The following PDCD1LG2 variants were observed in gnomAD, a reference collection of about 807,000 sequenced individuals.
PDCD1LG2 encodes the protein B7 dendritic cell molecule.
Under a neutral mutation model 28.2 loss-of-function variants are expected in PDCD1LG2, and 32 were observed. That is an observed-to-expected ratio of 1.13 (90% CI 0.86 to 1.52). PDCD1LG2 has a LOEUF of 1.52. PDCD1LG2 is among the 40% of genes most tolerant of loss of function. The pLI is 0.00. For synonymous variants in PDCD1LG2, 116 were observed against 120.2 expected (o/e 0.97, Z 0.23); for missense variants, 385 against 323.8 (o/e 1.19, Z -1.45).
At position 5,557,846 on chromosome 9, in the gene PDCD1LG2, T is replaced by C; in HGVS notation, c.766+94T>C. On this transcript the variant is annotated intron_variant, in intron 5 of 6. Coordinates refer to ENST00000397747, the MANE Select transcript of PDCD1LG2 (RefSeq NM_025239.4). The stretch of plus-strand genomic sequence containing the variant: ...GCAGGCCTATGGCTTGCTGCTTTCA[T>C]GCTAAACCCACTCAGAGCTTATGAA... The C allele has an allele frequency of 3.4e-6, 5 of 1,465,808 alleles. No individual in the cohort carries two copies. The Admixed American group carries it at 5.4e-5, about 16-fold the overall frequency. 90.8% of individuals were successfully genotyped at this position (1,465,808 alleles called of 1,614,324 possible). A position where few individuals can be genotyped will look rare whatever the true frequency, so the allele number is the denominator to read the frequency against.
rs577775891 is a variant in PDCD1LG2 at position 5,525,473 on chromosome 9, T to C, written c.55+2872T>C. Among the ~76,000 whole-genome samples the C allele has an allele frequency of 2.0e-5, 3 of 151,586 alleles. No homozygotes were observed. The East Asian group carries it at 5.8e-4, about 29-fold the overall frequency. On this transcript the variant is annotated intron_variant, in intron 2 of 6. Transcript: ENST00000397747. ...GTCTAGAAGAACTTCAACTGGAGAA[T>C]GGATAGAGAAATCATGGTATATTTG...
chr9:5,519,137 G>A (rs1333768135), intron 1 of PDCD1LG2, among the ~76,000 whole-genome samples: 1 of 152,164 alleles, frequency 6.6e-6, no homozygotes, highest in Non-Finnish European at 1.5e-5. Context: ...GAAGAAATGG[G>A]TGAAGCAGGG....
At chr9:5,568,560 T>C (rs1258862497) in intron 6 of PDCD1LG2, among the ~76,000 whole-genome samples, 8 of 152,186 alleles carry the variant, frequency 5.3e-5, no homozygotes, top group Non-Finnish European at 5.9e-5. Flanking sequence ...GTGCCAAAAA[T>C]GTTGGGGACC....
intron 3 of PDCD1LG2, among the ~76,000 whole-genome samples, chr9:5,546,366 T>G (rs1402275236): frequency 6.6e-6 from 1 of 152,182 alleles, no homozygotes; most frequent in African/African-American, 2.4e-5. Context: ...AGAAATAATC[T>G]ACAGTATGAT....
At chr9:5,562,540 A>G (rs1233949937) in intron 5 of PDCD1LG2, among the ~76,000 whole-genome samples, 5 of 152,188 alleles carry the variant, frequency 3.3e-5, no homozygotes, top group Non-Finnish European at 7.3e-5. Flanking sequence ...ATTGAGTTCA[A>G]TGTACACTAT....
intron 1 of PDCD1LG2, among the ~76,000 whole-genome samples, chr9:5,520,135 A>C (rs982880646): frequency 3.9e-5 from 6 of 152,198 alleles, no homozygotes; most frequent in African/African-American, 1.4e-4. Flanking sequence ...CCCTAAAAAA[A>C]AATCTTGAAA....
At chr9:5,534,684 C>T (rs1318665101) in intron 2 of PDCD1LG2, 61 bp from the exon 3 acceptor site, 13 of 1,473,642 alleles carry the variant, frequency 8.8e-6, no homozygotes, top group South Asian at 2.6e-5. Context: ...GGTTACACTT[C>T]GTAAGAACTG....
intron 2 of PDCD1LG2, among the ~76,000 whole-genome samples, chr9:5,527,772 G>T (rs1249065878): frequency 6.6e-6 from 1 of 152,068 alleles, no homozygotes; most frequent in Non-Finnish European, 1.5e-5. Context: ...ATTCCCACCA[G>T]CAAGTATATG....
rs1229644682 is a variant in PDCD1LG2 at position 5,557,709 on chromosome 9, A to T, written c.723A>T (p.Ile241=). Residue 241 remains isoleucine (I), a synonymous_variant, in exon 5 of 7, where the codon ATA becomes ATT. Transcript: ENST00000397747. ...IIAFIFIATV[I]ALRKQLCQKL... Reference sequence around the variant, plus strand: ...CTTTCATTTTCATAGCCACAGTGATAGCCCTAAGAAAACAACTCTGTCAAA... The same window carrying T: ...CTTTCATTTTCATAGCCACAGTGATTGCCCTAAGAAAACAACTCTGTCAAA... The T allele has an allele frequency of 2.5e-6, 4 of 1,613,958 alleles. No homozygotes were observed.
chr9:5,562,168 A>C (rs1009668977), intron 5 of PDCD1LG2, among the ~76,000 whole-genome samples: 2 of 152,210 alleles, frequency 1.3e-5, no homozygotes, highest in Admixed American at 6.5e-5. Context: ...AGTGGGAGGG[A>C]ATATGTGAAA....
At chr9:5,547,665 A>AG (rs974858607) in intron 3 of PDCD1LG2, among the ~76,000 whole-genome samples, 1 of 152,210 alleles carries the variant, frequency 6.6e-6, no homozygotes, top group African/African-American at 2.4e-5. Context: ...AGCCGGGCAC[A>AG]GTGGCTCATG....
intron 6 of PDCD1LG2, among the ~76,000 whole-genome samples, chr9:5,566,967 T>C (rs554530205): frequency 2.0e-5 from 3 of 152,378 alleles, no homozygotes; most frequent in Admixed American, 1.3e-4. Context: ...ATCATGTTTT[T>C]GGATTATGGA....
intron 1 of PDCD1LG2, among the ~76,000 whole-genome samples, chr9:5,513,969 C>G (rs1820108685): frequency 6.6e-6 from 1 of 152,182 alleles, no homozygotes; most frequent in African/African-American, 2.4e-5. Flanking sequence ...TCAGGTATTT[C>G]AGATCAATTG....
intron 6 of PDCD1LG2, among the ~76,000 whole-genome samples, chr9:5,568,595 C>A (rs756991122): frequency 1.3e-5 from 2 of 152,196 alleles, no homozygotes; most frequent in Non-Finnish European, 2.9e-5. Flanking sequence ...CCTTGTGCTT[C>A]TTGGAACATA....
At chr9:5,530,126 T>G (rs1338425542) in intron 2 of PDCD1LG2, among the ~76,000 whole-genome samples, 1 of 152,196 alleles carries the variant, frequency 6.6e-6, no homozygotes, top group Non-Finnish European at 1.5e-5. Flanking sequence ...GTTGTGTGTT[T>G]CCTGAATAAG....
chr9:5,539,959 T>A (rs1228301452), intron 3 of PDCD1LG2, among the ~76,000 whole-genome samples: 3 of 152,224 alleles, frequency 2.0e-5, no homozygotes, highest in Admixed American at 6.5e-5. Context: ...CATCAGCATA[T>A]GGAACATTCT....
chr9:5,540,908 A>C (rs185135707), intron 3 of PDCD1LG2, among the ~76,000 whole-genome samples: 5 of 152,244 alleles, frequency 3.3e-5, no homozygotes, highest in Non-Finnish European at 7.4e-5. Context: ...AGGACATAAC[A>C]AAAAAAGAAA....
chr9:5,531,469 C>G (rs938362224), intron 2 of PDCD1LG2, among the ~76,000 whole-genome samples: 2 of 152,176 alleles, frequency 1.3e-5, no homozygotes, highest in African/African-American at 4.8e-5. Flanking sequence ...TTGCTAATTG[C>G]TCTTTTCTCT....
intron 5 of PDCD1LG2, among the ~76,000 whole-genome samples, chr9:5,562,913 C>G (rs1037624224): frequency 6.6e-6 from 1 of 152,188 alleles, no homozygotes; most frequent in Non-Finnish European, 1.5e-5. Flanking sequence ...AGTCCCTCAG[C>G]CTTTAAGTGC....
Sources: allele counts gnomAD v4.1 joint callset (sites outside exome capture counted in the v4.1 genomes callset), GRCh38; gene constraint gnomAD v4.1.1; transcripts MANE v1.5; gene names NCBI Gene and HGNC (gene_info 2026-07-23, HGNC 2026-07-21).